Variants in TOM1L1 observed in about 807,000 individuals in gnomAD.
The protein encoded by TOM1L1 is target of myb1 like 1 membrane trafficking protein.
A neutral mutation model predicts 63.4 loss-of-function variants in TOM1L1; 64 were observed. The ratio of observed to expected loss-of-function variants is 1.01; its 90% CI spans 0.83 to 1.24. The LOEUF (loss-of-function observed/expected upper bound fraction) is 1.24. Among genes scored for constraint, TOM1L1 ranks in the 50% most tolerant of loss-of-function variants. The pLI is 0.00. For synonymous variants in TOM1L1, 166 were observed against 194.4 expected, an observed-to-expected ratio of 0.85 and a Z score of 1.22; for missense variants, 536 against 567.0, an observed-to-expected ratio of 0.95 and a Z score of 0.55.
intron 11 of TOM1L1, among the ~76,000 whole-genome samples, chr17:54,945,632 C>G (rs2049105991): frequency 6.6e-6 from 1 of 151,330 alleles, no homozygotes; most frequent in African/African-American, 2.4e-5. Flanking sequence ...CCGACTGTTT[C>G]CTCTGTCATT....
At chr17:54,955,300 C>A (rs1240566053) in intron 14 of TOM1L1, among the ~76,000 whole-genome samples, 1 of 152,162 alleles carries the variant, frequency 6.6e-6, no homozygotes, top group Non-Finnish European at 1.5e-5. Context: ...AGTTCTGGAT[C>A]CAGCTCAGGT....
At chr17:54,928,592 G>T (rs956418068) in intron 7 of TOM1L1, among the ~76,000 whole-genome samples, 2 of 152,038 alleles carry the variant, frequency 1.3e-5, no homozygotes, top group Non-Finnish European at 2.9e-5. Flanking sequence ...TATTTTCCAG[G>T]GTTGCTTTTA....
At position 54,912,779 on chromosome 17, in the gene TOM1L1, A is replaced by G. The variant is rs141029614; in HGVS notation, c.336A>G (p.Pro112=). Residue 112 remains proline (P), a synonymous_variant, in exon 4 of 16, where the codon CCA becomes CCG. Coordinates refer to ENST00000575882, the MANE Select transcript of TOM1L1 (RefSeq NM_005486.3). ...VKLLNPRYNL[P]LDIQNRILNF... is the part of the protein sequence containing the mutation. ...TACTGAATCCCAGATACAACTTGCCATTAGACATTCAGAATAGAATCTTGA... is the reference window on the plus strand; with the variant it reads ...TACTGAATCCCAGATACAACTTGCCGTTAGACATTCAGAATAGAATCTTGA... The G allele has an allele frequency of 9.0e-5, 145 of 1,610,722 alleles. No individual in the cohort carries two copies. The highest frequency in any genetic ancestry group is 8.3e-4 in the Middle Eastern group (5 of 6,044).
chr17:54,931,949 G>GTTTTT (rs10632110), intron 8 of TOM1L1, among the ~76,000 whole-genome samples: 91 of 121,498 alleles, frequency 7.5e-4, no homozygotes, highest in African/African-American at 2.8e-3. Flanking sequence ...TTTTTTCTTC[G>GTTTTT]TTTTTTTTTT....
chr17:54,931,948 C>CATT lies in TOM1L1; in HGVS notation c.854+1742_854+1743insATT, dbSNP rs2048865628. Among the ~76,000 whole-genome samples the CATT allele has an allele frequency of 4.7e-5, 3 of 63,920 alleles. No individual in the cohort carries two copies. The Admixed American group carries it at 5.6e-4, about 12-fold the overall frequency. 41.9% of individuals were successfully genotyped at this position (63,920 alleles called of 152,430 possible). A position where few individuals can be genotyped will look rare whatever the true frequency, so the allele number is the denominator to read the frequency against. On this transcript the variant is annotated intron_variant, in intron 8 of 15. Coordinates refer to ENST00000575882, the MANE Select transcript of TOM1L1 (RefSeq NM_005486.3). ...TCTTTCTTTCTTTTTCTTTTTTCTT[C>CATT]GTTTTTTTTTTGTTTGTTTGTTTGT...
chr17:54,910,793 A>G (rs564747402), intron 3 of TOM1L1, among the ~76,000 whole-genome samples: 2 of 152,206 alleles, frequency 1.3e-5, no homozygotes, highest in Admixed American at 1.3e-4. Context: ...GCATGTTTCT[A>G]TATTTTCTGA....
At chr17:54,949,454 C>A in intron 12 of TOM1L1, 64 bp from the exon 13 acceptor site, 1 of 1,184,138 alleles carries the variant, frequency 8.4e-7, no homozygotes, top group Non-Finnish European at 1.3e-6. Context: ...GTGTAGGAGT[C>A]TCAGTAATAA....
chr17:54,908,444 AC>A (rs2143747646), intron 3 of TOM1L1, among the ~76,000 whole-genome samples: 1 of 152,332 alleles, frequency 6.6e-6, no homozygotes, highest in South Asian at 2.1e-4. Context: ...CACAGGAGTC[AC>A]CTATGTCTGT....
At chr17:54,925,673 G>A (rs915780111) in intron 7 of TOM1L1, among the ~76,000 whole-genome samples, 1 of 152,192 alleles carries the variant, frequency 6.6e-6, no homozygotes, top group Non-Finnish European at 1.5e-5. Flanking sequence ...GGAGGCCAAG[G>A]TGGGCAGATC....
intron 1 of TOM1L1, chr17:54,901,232 C>T: frequency 2.3e-6 from 1 of 434,688 alleles, no homozygotes; most frequent in East Asian, 3.9e-5. Context: ...CGAGGAGACA[C>T]CAGAAACTTC....
intron 14 of TOM1L1, among the ~76,000 whole-genome samples, chr17:54,955,750 G>T (rs1257361188): frequency 1.3e-5 from 2 of 152,156 alleles, no homozygotes; most frequent in African/African-American, 4.8e-5. Context: ...CTTGACCTAG[G>T]TCCTAATCCT....
chr17:54,951,663 G>A (rs1206647586), intron 14 of TOM1L1, among the ~76,000 whole-genome samples: 1 of 152,204 alleles, frequency 6.6e-6, no homozygotes, highest in Admixed American at 6.5e-5. Flanking sequence ...GACCACAGTT[G>A]CCAACAGCTG....
At chr17:54,961,163 AAG>A in intron 15 of TOM1L1, 70 bp from the exon 16 acceptor site, 1 of 1,064,620 alleles carries the variant, frequency 9.4e-7, no homozygotes, top group Admixed American at 2.0e-5. Flanking sequence ...CAGTAAAGAC[AAG>A]AGAGTTATCA....
At chr17:54,913,251 A>G (rs2048524222) in intron 4 of TOM1L1, among the ~76,000 whole-genome samples, 2 of 152,356 alleles carry the variant, frequency 1.3e-5, no homozygotes, top group Non-Finnish European at 2.9e-5. Context: ...CTGATTTAAA[A>G]GATTTTATAT....
At chr17:54,958,587 C>T (rs2077015126) in intron 14 of TOM1L1, among the ~76,000 whole-genome samples, 1 of 152,022 alleles carries the variant, frequency 6.6e-6, no homozygotes, top group African/African-American at 2.4e-5. Context: ...AAAAATTAGC[C>T]AGGCGTGGTA....
intron 3 of TOM1L1, among the ~76,000 whole-genome samples, chr17:54,911,846 G>T (rs2048502550): frequency 6.6e-6 from 1 of 152,138 alleles, no homozygotes; most frequent in Admixed American, 6.5e-5. Flanking sequence ...CAGGGTACAG[G>T]TGTGATGGTG....
In TOM1L1 at chr17:54,950,055, A is replaced by C. The variant is rs1341829314; in HGVS notation, c.1299A>C (p.Lys433Asn). The C allele has an allele frequency of 3.1e-6, 5 of 1,613,940 alleles. No individual in the cohort carries two copies. The South Asian group carries it at 5.5e-5, about 18-fold the overall frequency. Residue 433 changes from lysine to asparagine, a missense_variant, in exon 14 of 16, where the codon AAA (lysine) becomes AAC (asparagine). By Grantham distance (94) the Lys-to-Asn change is moderately conservative (BLOSUM62 0). Coordinates refer to ENST00000575882, the MANE Select transcript of TOM1L1 (RefSeq NM_005486.3). Reference sequence around the variant, plus strand: ...TTTTTTTGCCCAAAGCGATGACAAAAAGTGATCTCCAGCCACCTAATTACT... The same window carrying C: ...TTTTTTTGCCCAAAGCGATGACAAACAGTGATCTCCAGCCACCTAATTACT... ...PLPSNHPAMT[K>N]SDLQPPNYYE...
At chr17:54,958,624 G>A (rs141069628) in intron 14 of TOM1L1, among the ~76,000 whole-genome samples, 55 of 151,948 alleles carry the variant, frequency 3.6e-4, no homozygotes, top group African/African-American at 5.8e-4. Flanking sequence ...CCAACTATTC[G>A]GGAGGATGAA....
chr17:54,901,578 G>A (rs2048327964), intron 1 of TOM1L1, among the ~76,000 whole-genome samples: 1 of 152,098 alleles, frequency 6.6e-6, no homozygotes, highest in Non-Finnish European at 1.5e-5. Context: ...CTTGCATGAT[G>A]TATGTAGAAG....
Sources: gnomAD v4.1 joint callset for allele counts (sites outside exome capture counted in the v4.1 genomes callset) on GRCh38, gnomAD v4.1.1 for gene constraint, MANE v1.5 for transcripts, NCBI Gene and HGNC (gene_info 2026-07-23, HGNC 2026-07-21) for gene names.